The following ECT2L variants were observed in gnomAD, a reference collection of about 807,000 sequenced individuals.
ECT2L encodes epithelial cell transforming 2 like.
Under a neutral mutation model 122.8 loss-of-function variants are expected in ECT2L, and 126 were observed. The ratio of observed to expected loss-of-function variants is 1.03; its 90% CI spans 0.89 to 1.19. The LOEUF is 1.19. Ranked by LOEUF, ECT2L falls within the 50% of genes most tolerant of loss-of-function variation. The pLI, the probability that ECT2L is intolerant of heterozygous loss-of-function variation, is 0.00. For synonymous variants in ECT2L, 385 were observed against 381.8 expected, an observed-to-expected ratio of 1.01 and a Z score of -0.10; for missense variants, 1,012 against 1,064.1, an observed-to-expected ratio of 0.95 and a Z score of 0.68.
intron 9 of ECT2L, among the ~76,000 whole-genome samples, chr6:138,849,798 C>G (rs1777368953): frequency 6.6e-6 from 1 of 152,056 alleles, no homozygotes; most frequent in Non-Finnish European, 1.5e-5. Flanking sequence ...CAAACTCTCT[C>G]CTGCCTTAGC....
chr6:138,856,345 G>C lies in ECT2L; in HGVS notation c.1198+2191G>C, dbSNP rs1232899561. 2.6e-5 allele frequency among the ~76,000 whole-genome samples: 4 copies of C among 152,180 alleles called. No individual in the cohort carries two copies. In the East Asian group the frequency reaches 7.7e-4, roughly 29 times the overall value. On this transcript the variant is annotated intron_variant, in intron 10 of 21. Transcript: ENST00000541398. ...ATTCTTCTGCCTCAGCCTCCAAGTA[G>C]CTGGGACTACAGGCATGTGCCACCA... is the stretch of plus-strand genomic sequence containing the variant.
At chr6:138,868,048 T>C (rs1778114084) in intron 12 of ECT2L, 55 bp from the exon 13 acceptor site, 2 of 1,293,314 alleles carry the variant, frequency 1.5e-6, no homozygotes, top group East Asian at 2.4e-5. Flanking sequence ...TTGTTGTTTT[T>C]AAATCACATT....
chr6:138,872,965 C>T (rs1442210549), intron 13 of ECT2L, among the ~76,000 whole-genome samples: 1 of 152,194 alleles, frequency 6.6e-6, no homozygotes, highest in Non-Finnish European at 1.5e-5. Context: ...CATTTCTGGG[C>T]TCATTGAAAC....
chr6:138,854,855 C>A (rs888967908), intron 10 of ECT2L, among the ~76,000 whole-genome samples: 2 of 152,196 alleles, frequency 1.3e-5, no homozygotes, highest in Non-Finnish European at 2.9e-5. Flanking sequence ...AGAGAAACTT[C>A]AGAAGCATTA....
rs1488039752 is a variant in ECT2L, at chr6:138,897,816, C to G, written c.2415-3132C>G. 5.9e-5 allele frequency among the ~76,000 whole-genome samples: 9 copies of G among 152,266 alleles called. No individual in the cohort carries two copies. The South Asian group carries it at 1.9e-3, about 32-fold the overall frequency. Reference sequence around the variant, plus strand: ...ATCCCTTCCCTGGGCCAACCATCCACCTGGTCCAAGTGGGTCACAAAACTG... The same window carrying G: ...ATCCCTTCCCTGGGCCAACCATCCAGCTGGTCCAAGTGGGTCACAAAACTG... On this transcript the variant is annotated intron_variant, in intron 20 of 21. Coordinates refer to ENST00000541398, the MANE Select transcript of ECT2L (RefSeq NM_001077706.3).
intron 13 of ECT2L, 68 bp downstream of exon 13, chr6:138,868,274 T>G: frequency 7.0e-7 from 1 of 1,437,832 alleles, no homozygotes; most frequent in Non-Finnish European, 9.6e-7. Context: ...TTGCAGTTAT[T>G]ATTAATTTTT....
At chr6:138,807,689 T>G (rs1241354642) in intron 1 of ECT2L, among the ~76,000 whole-genome samples, 3 of 152,182 alleles carry the variant, frequency 2.0e-5, no homozygotes, top group Admixed American at 1.3e-4. Context: ...CTTTAAATAA[T>G]AATCATTTAT....
Position 138,838,400 on chromosome 6 carries a change from C to T in ECT2L, c.228C>T (p.Asp76=), listed in dbSNP as rs1346482526. 6.8e-6 allele frequency: 11 copies of T among 1,611,490 alleles called. No individual in the cohort carries two copies. The highest frequency in any genetic ancestry group is 8.5e-6 in the Non-Finnish European group (10 of 1,179,116). Residue 76 remains aspartate (D), a synonymous_variant, in exon 5 of 22, where the codon GAC becomes GAT. Transcript: ENST00000541398. ...FSERMQVAKV[D]FSTVLPRFIS... is the part of the protein sequence containing the mutation. ...AAAGGATGCAAGTGGCCAAAGTGGA[C>T]TTCTCTACAGTGTTACCACGCTTCA...
intron 10 of ECT2L, among the ~76,000 whole-genome samples, chr6:138,859,560 G>T (rs916489177): frequency 1.3e-5 from 2 of 152,094 alleles, no homozygotes; most frequent in Non-Finnish European, 2.9e-5. Context: ...CAGTCTTTTT[G>T]ATTTTAGCCA....
At chr6:138,871,614 T>C (rs1437290427) in intron 13 of ECT2L, among the ~76,000 whole-genome samples, 3 of 152,138 alleles carry the variant, frequency 2.0e-5, no homozygotes, top group African/African-American at 7.2e-5. Context: ...GAGACCAGCC[T>C]GGCCAACATG....
rs537663442 is a variant in ECT2L at position 138,903,321 on chromosome 6, T to A, written c.*694T>A. 6.6e-6 allele frequency: 1 copy of A among 151,680 alleles called. No homozygotes were observed. The highest frequency in any genetic ancestry group is 2.1e-4 in the South Asian group (1 of 4,806). 9.4% of individuals were successfully genotyped at this position (151,680 alleles called of 1,614,324 possible). ...GTTGTAGTAAGCTGAGATGGCTCCA[T>A]TGCACTTCAGCCTGGGTGACAAGAG... On this transcript the variant is annotated 3_prime_UTR_variant, in exon 22 of 22. Coordinates refer to ENST00000541398, the MANE Select transcript of ECT2L (RefSeq NM_001077706.3).
At chr6:138,842,547 G>A (rs112765085) in intron 5 of ECT2L, among the ~76,000 whole-genome samples, 170 of 152,228 alleles carry the variant, frequency 1.1e-3, no homozygotes, top group African/African-American at 3.7e-3. Context: ...CAAGGTGGGC[G>A]GATCACGAGG....
At chr6:138,842,491 T>G (rs1407503587) in intron 5 of ECT2L, among the ~76,000 whole-genome samples, 1 of 136,562 alleles carries the variant, frequency 7.3e-6, no homozygotes. Flanking sequence ...AAAATAAAAG[T>G]CCGGGTGCGG....
chr6:138,832,945 T>G (rs1464210930), intron 4 of ECT2L, among the ~76,000 whole-genome samples: 1 of 152,082 alleles, frequency 6.6e-6, no homozygotes, highest in Non-Finnish European at 1.5e-5. Context: ...GGCTCAGAGT[T>G]CTGCATGGGT....
chr6:138,854,213 G>A (rs1003945466), intron 10 of ECT2L, 59 bp downstream of exon 10: 19 of 1,513,986 alleles, frequency 1.3e-5, no homozygotes, highest in Non-Finnish European at 1.6e-5. Context: ...GGGATATGTT[G>A]TGAATTATTG....
chr6:138,843,865 A>G (rs916232563), intron 6 of ECT2L, among the ~76,000 whole-genome samples: 1 of 151,764 alleles, frequency 6.6e-6, no homozygotes, highest in Non-Finnish European at 1.5e-5. Flanking sequence ...AATTTTTTGT[A>G]TTTTTGTAGA....
At chr6:138,826,997 C>T (rs1776474537) in intron 4 of ECT2L, among the ~76,000 whole-genome samples, 1 of 152,136 alleles carries the variant, frequency 6.6e-6, no homozygotes, top group Non-Finnish European at 1.5e-5. Flanking sequence ...ATGCCAGCAC[C>T]ATGCTTCCTA....
intron 7 of ECT2L, 107 bp downstream of exon 7, chr6:138,844,687 C>G (rs1348699886): frequency 9.8e-7 from 1 of 1,025,620 alleles, no homozygotes; most frequent in Non-Finnish European, 1.4e-6. Flanking sequence ...TTCTGTGGCT[C>G]ATATCCTATG....
chr6:138,846,437 C>G, intron 7 of ECT2L, 102 bp from the exon 8 acceptor site: 3 of 1,149,806 alleles, frequency 2.6e-6, no homozygotes, highest in Non-Finnish European at 3.5e-6. Context: ...AGGCCACGTG[C>G]CTTGTAGAGT....
Sources: allele counts gnomAD v4.1 joint callset (sites outside exome capture counted in the v4.1 genomes callset), GRCh38; gene constraint gnomAD v4.1.1; transcripts MANE v1.5; gene names NCBI Gene and HGNC (gene_info 2026-07-23, HGNC 2026-07-21).